FUT9: variants seen among roughly 807,000 people sequenced by gnomAD.
FUT9 encodes the protein 4-galactosyl-N-acetylglucosaminide 3-alpha-L-fucosyltransferase 9.
A neutral mutation model predicts 29.7 loss-of-function variants in FUT9; 15 were observed. The observed-to-expected ratio is 0.51, with a 90% CI of 0.34 to 0.78. The LOEUF is 0.78. Among genes scored for constraint, FUT9 ranks in the 30% least tolerant of loss-of-function variants. The probability of loss-of-function intolerance (pLI) is 0.01; values close to 1 mark genes in which losing one functional copy is unlikely to be tolerated. For synonymous variants in FUT9, 169 were observed against 153.7 expected (o/e 1.10, Z -0.74); for missense variants, 319 against 425.4 (o/e 0.75, Z 2.20).
Position 96,210,530 on chromosome 6 carries a change from C to A in FUT9, c.*6295C>A, listed in dbSNP as rs990555526. The A allele has an allele frequency of 1.2e-5, 2 of 166,700 alleles. No individual in the cohort carries two copies. The highest frequency in any genetic ancestry group is 1.3e-4 in the Admixed American group (2 of 15,220). The allele number at this position is 166,700 out of a possible 1,614,324, so 10.3% of individuals were successfully genotyped here. The stretch of plus-strand genomic sequence containing the variant: ...AAATGTTCCACAGGTAATACTAATG[C>A]AGGCATACCTCAGGAAATCACCAGT... On this transcript the variant is annotated 3_prime_UTR_variant, in exon 3 of 3. Coordinates refer to ENST00000302103, the MANE Select transcript of FUT9 (RefSeq NM_006581.4).
At chr6:96,118,737 C>T (rs1206524146) in intron 2 of FUT9, among the ~76,000 whole-genome samples, 2 of 152,062 alleles carry the variant, frequency 1.3e-5, no homozygotes, top group African/African-American at 2.4e-5. Flanking sequence ...ATGACAGGTC[C>T]ATGCACGTTA....
At chr6:96,096,941 C>A (rs1053012410) in intron 1 of FUT9, among the ~76,000 whole-genome samples, 2 of 152,032 alleles carry the variant, frequency 1.3e-5, no homozygotes, top group African/African-American at 4.8e-5. Flanking sequence ...CACTGAATAT[C>A]TCTGGTGTTA....
chr6:96,030,645 A>G (rs1481446628), intron 1 of FUT9, among the ~76,000 whole-genome samples: 4 of 151,586 alleles, frequency 2.6e-5, no homozygotes, highest in South Asian at 2.1e-4. Flanking sequence ...AAGTAGAATG[A>G]ACATGTGTTT....
chr6:96,156,926 T>C (rs1772796369), intron 2 of FUT9, among the ~76,000 whole-genome samples: 1 of 152,208 alleles, frequency 6.6e-6, no homozygotes. Context: ...AACAGAAGCA[T>C]GTTACCATGA....
chr6:96,151,367 AG>A (rs1772672446), intron 2 of FUT9, among the ~76,000 whole-genome samples: 1 of 152,202 alleles, frequency 6.6e-6, no homozygotes, highest in Non-Finnish European at 1.5e-5. Flanking sequence ...TGTAACAGAG[AG>A]AAATGAAAAT....
At chr6:96,131,271 A>G (rs1308991524) in intron 2 of FUT9, among the ~76,000 whole-genome samples, 1 of 152,138 alleles carries the variant, frequency 6.6e-6, no homozygotes, top group African/African-American at 2.4e-5. Flanking sequence ...CTATTTCTGA[A>G]AATTCAACTA....
intron 2 of FUT9, among the ~76,000 whole-genome samples, chr6:96,183,589 T>C (rs1773350125): frequency 6.6e-6 from 1 of 152,106 alleles, no homozygotes; most frequent in Admixed American, 6.6e-5. Context: ...TTGTCATAGA[T>C]GGCTTTTATT....
At chr6:96,120,350 A>G (rs1772001581) in intron 2 of FUT9, among the ~76,000 whole-genome samples, 1 of 145,662 alleles carries the variant, frequency 6.9e-6, no homozygotes, top group East Asian at 2.0e-4. Context: ...GGCCCAATGC[A>G]AACTCCGCCT....
chr6:96,121,945 C>G (rs1312316688), intron 2 of FUT9, among the ~76,000 whole-genome samples: 1 of 151,986 alleles, frequency 6.6e-6, no homozygotes, highest in Non-Finnish European at 1.5e-5. Flanking sequence ...AGAGCTTACA[C>G]TGAAGATGGA....
intron 2 of FUT9, among the ~76,000 whole-genome samples, chr6:96,115,361 T>C (rs979193748): frequency 6.6e-6 from 1 of 152,196 alleles, no homozygotes; most frequent in Admixed American, 6.5e-5. Flanking sequence ...TCTCACTAAG[T>C]CCTTGAAATC....
intron 2 of FUT9, among the ~76,000 whole-genome samples, chr6:96,200,455 T>A (rs1032556453): frequency 1.3e-5 from 2 of 152,120 alleles, no homozygotes; most frequent in African/African-American, 4.8e-5. Context: ...TTTCCTCATC[T>A]GTGAAGGGAT....
intron 2 of FUT9, among the ~76,000 whole-genome samples, chr6:96,185,602 A>G (rs1334927772): frequency 2.0e-5 from 3 of 152,146 alleles, no homozygotes; most frequent in Non-Finnish European, 2.9e-5. Flanking sequence ...TAGCAAAAAT[A>G]TAGAATAATC....
Position 96,203,945 on chromosome 6 carries a change from G to C in FUT9, c.790G>C (p.Gly264Arg), listed in dbSNP as rs767762170. 6.2e-7 allele frequency: 1 copy of C among 1,613,094 alleles called. No homozygotes were observed. Among genetic ancestry groups the C allele is most frequent in the Non-Finnish European group, 8.5e-7 (1 of 1,179,336 alleles). The part of the protein sequence containing the change: ...TEKLYNAFLA[G>R]SVPVVLGPSR... ...AAAGCTATACAATGCTTTTCTGGCT[G>C]GCTCTGTACCTGTTGTTCTGGGACC... The change falls in exon 3 of 3, where the codon GGC becomes CGC. Residue 264 changes from glycine (G) to arginine (R), a missense_variant. By Grantham distance (125) the Gly-to-Arg change is moderately radical. Transcript: ENST00000302103.
rs1451302482 is a variant in FUT9, at chr6:96,087,480, C to A, written c.-97-26559C>A. 1.3e-5 allele frequency among the ~76,000 whole-genome samples: 2 copies of A among 151,218 alleles called. 1 individual carries two copies. Among genetic ancestry groups the A allele is most frequent in the Middle Eastern group, 6.5e-3 (2 of 310 alleles). On this transcript the variant is annotated intron_variant, in intron 1 of 2. Coordinates refer to ENST00000302103, the MANE Select transcript of FUT9 (RefSeq NM_006581.4). ...CTCCTGGGTTCAAGCAATTATCCTG[C>A]CTCAGCCTCCTGAGTAGCTAGGACT... is the stretch of plus-strand genomic sequence containing the variant.
At chr6:96,131,623 A>G (rs1772246049) in intron 2 of FUT9, among the ~76,000 whole-genome samples, 1 of 152,166 alleles carries the variant, frequency 6.6e-6, no homozygotes, top group African/African-American at 2.4e-5. Flanking sequence ...TGCTTGTTCC[A>G]TAACCTCAGA....
At chr6:96,077,857 C>A (rs1039859007) in intron 1 of FUT9, among the ~76,000 whole-genome samples, 1 of 152,106 alleles carries the variant, frequency 6.6e-6, no homozygotes, top group African/African-American at 2.4e-5. Flanking sequence ...TAAGAATATT[C>A]CTTTGGTTGT....
intron 1 of FUT9, among the ~76,000 whole-genome samples, chr6:96,085,733 A>G (rs1449805399): frequency 1.3e-5 from 2 of 152,120 alleles, no homozygotes; most frequent in African/African-American, 4.8e-5. Flanking sequence ...CAAACACTCA[A>G]TGCCCTGGAA....
Position 96,190,373 on chromosome 6 carries a change from T to A in FUT9, c.-8-12775T>A, listed in dbSNP as rs36194451. 8.6e-5 allele frequency among the ~76,000 whole-genome samples: 13 copies of A among 151,974 alleles called. 1 individual carries two copies. In the East Asian group the frequency reaches 2.5e-3, roughly 29 times the overall value. Reference sequence around the variant, plus strand: ...TTCATTTCAACTTTGGTGAATCTGATAATTATGTGTCTTGGAGTTGCTCTT... The same window carrying A: ...TTCATTTCAACTTTGGTGAATCTGAAAATTATGTGTCTTGGAGTTGCTCTT... On this transcript the variant is annotated intron_variant, in intron 2 of 2. Coordinates refer to ENST00000302103, the MANE Select transcript of FUT9 (RefSeq NM_006581.4).
intron 2 of FUT9, among the ~76,000 whole-genome samples, chr6:96,186,172 A>G (rs964117270): frequency 2.0e-5 from 3 of 152,016 alleles, no homozygotes; most frequent in Non-Finnish European, 4.4e-5. Flanking sequence ...TACTTTTATC[A>G]TATTATTTCT....
Sources: allele counts gnomAD v4.1 joint callset (sites outside exome capture counted in the v4.1 genomes callset), GRCh38; gene constraint gnomAD v4.1.1; transcripts MANE v1.5; gene names NCBI Gene and HGNC (gene_info 2026-07-23, HGNC 2026-07-21).